The following NALF1 variants were observed in gnomAD, a reference collection of about 807,000 sequenced individuals.
NALF1 encodes the protein NALCN channel auxiliary factor 1.
A neutral mutation model predicts 48.4 loss-of-function variants in NALF1; 3 were observed. That is an observed-to-expected ratio of 0.06 (90% confidence interval 0.03 to 0.16). The LOEUF (loss-of-function observed/expected upper bound fraction) is 0.16, where lower values mean the gene tolerates loss of function less well. Ranked by LOEUF, NALF1 falls within the 10% of genes least tolerant of loss-of-function variation. The pLI is 1.00. For synonymous variants in NALF1, 262 were observed against 245.7 expected (o/e 1.07, Z -0.62); for missense variants, 526 against 571.5 (o/e 0.92, Z 0.81).
intron 1 of NALF1, among the ~76,000 whole-genome samples, chr13:107,393,683 A>G (rs936584279): frequency 6.6e-6 from 1 of 152,204 alleles, no homozygotes; most frequent in Admixed American, 6.5e-5. Context: ...GTTAATGTTT[A>G]TGTCCGCCAG....
At chr13:107,484,351 T>C (rs1169045904) in intron 1 of NALF1, among the ~76,000 whole-genome samples, 2 of 152,124 alleles carry the variant, frequency 1.3e-5, no homozygotes, top group East Asian at 1.9e-4. Context: ...TGGGGAATGG[T>C]CATGTTTTCA....
At chr13:107,657,978 C>A (rs1880628544) in intron 1 of NALF1, among the ~76,000 whole-genome samples, 1 of 152,070 alleles carries the variant, frequency 6.6e-6, no homozygotes, top group Non-Finnish European at 1.5e-5. Flanking sequence ...CCTTTTTGAA[C>A]CAAAATTTTC....
chr13:107,347,323 C>A (rs1035167817), intron 1 of NALF1, among the ~76,000 whole-genome samples: 1 of 152,206 alleles, frequency 6.6e-6, no homozygotes, highest in African/African-American at 2.4e-5. Context: ...CTGTGTAGCA[C>A]CCTTGCCTTT....
intron 1 of NALF1, among the ~76,000 whole-genome samples, chr13:107,276,480 T>C (rs1401289445): frequency 6.6e-6 from 1 of 152,154 alleles, no homozygotes; most frequent in East Asian, 1.9e-4. Flanking sequence ...TATTTGTATT[T>C]TGTAGAATCG....
intron 1 of NALF1, among the ~76,000 whole-genome samples, chr13:107,818,809 T>C (rs1335427914): frequency 8.3e-5 from 11 of 133,140 alleles, no homozygotes; most frequent in African/African-American, 3.4e-4. Flanking sequence ...GAGGCGGAGC[T>C]TGCAGTGAGC....
intron 1 of NALF1, among the ~76,000 whole-genome samples, chr13:107,656,946 C>T (rs895764483): frequency 4.0e-5 from 6 of 151,824 alleles, no homozygotes; most frequent in Non-Finnish European, 5.9e-5. Flanking sequence ...TATGTGGGAG[C>T]TAAGCTATGA....
chr13:107,170,266 C>A lies in NALF1; in HGVS notation c.*231G>T. 1 of 451,558 alleles carries A rather than the reference C, an allele frequency of 2.2e-6. No homozygotes were observed. Among genetic ancestry groups the A allele is most frequent in the Non-Finnish European group, 3.9e-6 (1 of 255,324 alleles). 28.0% of individuals were successfully genotyped at this position (451,558 alleles called of 1,614,324 possible). On this transcript the variant is annotated 3_prime_UTR_variant, in exon 3 of 3. Coordinates refer to ENST00000375915, the MANE Select transcript of NALF1 (RefSeq NM_001080396.3). ...CAAATAAAACCTCCAAACATTAAAA[C>A]ACAGTGTATAAAATGGTGTGAGAAA...
chr13:107,276,517 CT>C (rs1881284359), intron 1 of NALF1, among the ~76,000 whole-genome samples: 1 of 152,134 alleles, frequency 6.6e-6, no homozygotes, highest in South Asian at 2.1e-4. Context: ...TGGTTTCACA[CT>C]GAAATACATA....
chr13:107,170,001 T>C lies in NALF1; in HGVS notation c.*496A>G, dbSNP rs1878763508. On this transcript the variant is annotated 3_prime_UTR_variant, in exon 3 of 3. Coordinates refer to ENST00000375915, the MANE Select transcript of NALF1 (RefSeq NM_001080396.3). ...TTTTTTTGTCTTTTTTATTTTTTAT[T>C]CTTTTTTTGTTGTTGTTTTTTGCTA... 6.5e-6 allele frequency: 1 copy of C among 152,686 alleles called. No individual in the cohort carries two copies. Among genetic ancestry groups the C allele is most frequent in the Non-Finnish European group, 1.5e-5 (1 of 68,120 alleles). 9.5% of individuals were successfully genotyped at this position (152,686 alleles called of 1,614,324 possible).
intron 1 of NALF1, among the ~76,000 whole-genome samples, chr13:107,442,798 T>C (rs1399289225): frequency 2.0e-5 from 3 of 152,194 alleles, no homozygotes; most frequent in Non-Finnish European, 4.4e-5. Context: ...TGAATCAATG[T>C]GACAAATCAA....
At chr13:107,413,009 A>C (rs548652403) in intron 1 of NALF1, among the ~76,000 whole-genome samples, 64 of 152,314 alleles carry the variant, frequency 4.2e-4, no homozygotes, top group Middle Eastern at 6.8e-3. Flanking sequence ...TGATCTATGA[A>C]AACCACATGA....
At chr13:107,590,544 G>A (rs1249248960) in intron 1 of NALF1, among the ~76,000 whole-genome samples, 1 of 151,804 alleles carries the variant, frequency 6.6e-6, no homozygotes, top group Non-Finnish European at 1.5e-5. Flanking sequence ...GTATAATAAT[G>A]TTTTGTATAT....
At chr13:107,235,547 A>G (rs1364724014) in intron 1 of NALF1, among the ~76,000 whole-genome samples, 1 of 152,230 alleles carries the variant, frequency 6.6e-6, no homozygotes, top group Non-Finnish European at 1.5e-5. Flanking sequence ...TGAATTACTC[A>G]TAATACTAAA....
chr13:107,335,222 C>T (rs1882534552), intron 1 of NALF1, among the ~76,000 whole-genome samples: 1 of 152,164 alleles, frequency 6.6e-6, no homozygotes, highest in Non-Finnish European at 1.5e-5. Context: ...TTTCCATGGT[C>T]TCATCTTAAA....
chr13:107,332,654 A>C (rs1882490039), intron 1 of NALF1, among the ~76,000 whole-genome samples: 1 of 152,244 alleles, frequency 6.6e-6, no homozygotes, highest in African/African-American at 2.4e-5. Context: ...CAATTTAAAT[A>C]AAAAAGTAAA....
chr13:107,469,733 CTTTTT>C (rs61241553), intron 1 of NALF1, among the ~76,000 whole-genome samples: 93 of 79,960 alleles, frequency 1.2e-3, no homozygotes, highest in African/African-American at 4.5e-3. Context: ...AACTGTGTAT[CTTTTT>C]TTTTTTTTTT....
At chr13:107,331,676 G>A (rs1323116701) in intron 1 of NALF1, among the ~76,000 whole-genome samples, 1 of 151,980 alleles carries the variant, frequency 6.6e-6, no homozygotes, top group African/African-American at 2.4e-5. Context: ...ACTTTATCAC[G>A]AAATAACAAT....
chr13:107,521,865 T>C (rs1258319911), intron 1 of NALF1, among the ~76,000 whole-genome samples: 2 of 151,874 alleles, frequency 1.3e-5, no homozygotes, highest in South Asian at 2.1e-4. Flanking sequence ...TTGGTGGAGA[T>C]AGAAGAACTG....
intron 1 of NALF1, among the ~76,000 whole-genome samples, chr13:107,556,509 G>T (rs1311334600): frequency 6.6e-6 from 1 of 151,860 alleles, no homozygotes; most frequent in East Asian, 1.9e-4. Context: ...TATTTATTTT[G>T]GGATGGAGTT....
Sources: gnomAD v4.1 joint callset for allele counts (sites outside exome capture counted in the v4.1 genomes callset) on GRCh38, gnomAD v4.1.1 for gene constraint, MANE v1.5 for transcripts, NCBI Gene and HGNC (gene_info 2026-07-23, HGNC 2026-07-21) for gene names.